ARHGAP18: variants seen among roughly 807,000 people sequenced by gnomAD.
The protein encoded by ARHGAP18 is rho GTPase-activating protein 18.
A neutral mutation model predicts 86.2 loss-of-function variants in ARHGAP18; 67 were observed. That is an observed-to-expected ratio of 0.78 (90% CI 0.64 to 0.95). The LOEUF (loss-of-function observed/expected upper bound fraction) is 0.95, where lower values mean the gene tolerates loss of function less well. Ranked by LOEUF, ARHGAP18 falls within the 40% of genes least tolerant of loss-of-function variation. The probability of loss-of-function intolerance (pLI) is 0.00; values close to 1 mark genes in which losing one functional copy is unlikely to be tolerated. For missense variants in ARHGAP18, 691 were observed against 780.4 expected (o/e 0.89, Z 1.37); for synonymous variants, 283 against 280.4 (o/e 1.01, Z -0.09).
intron 1 of ARHGAP18, among the ~76,000 whole-genome samples, chr6:129,685,706 G>A (rs1469751955): frequency 1.3e-5 from 2 of 151,904 alleles, no homozygotes; most frequent in Admixed American, 1.3e-4. Context: ...GCTGATCACG[G>A]TGATCACTTG....
intron 1 of ARHGAP18, among the ~76,000 whole-genome samples, chr6:129,661,397 G>T (rs1432071600): frequency 6.7e-6 from 1 of 148,800 alleles, no homozygotes. Context: ...ATGGGATGAT[G>T]AATATAAAAA....
chr6:129,659,457 T>TTTTAA (rs1773906046), intron 1 of ARHGAP18, among the ~76,000 whole-genome samples: 2 of 55,646 alleles, frequency 3.6e-5, no homozygotes, highest in African/African-American at 1.6e-4. Flanking sequence ...CTAGAATTTT[T>TTTTAA]TTTATTTTAT....
chr6:129,586,927 C>T (rs1412939282), intron 12 of ARHGAP18, among the ~76,000 whole-genome samples: 1 of 152,138 alleles, frequency 6.6e-6, no homozygotes, highest in Non-Finnish European at 1.5e-5. Flanking sequence ...CTCCATGGAA[C>T]CTTCCATGCT....
intron 1 of ARHGAP18, among the ~76,000 whole-genome samples, chr6:129,706,174 A>C (rs1445080237): frequency 2.6e-5 from 4 of 152,256 alleles, no homozygotes; most frequent in African/African-American, 7.2e-5. Context: ...TAAAATGGGA[A>C]GGTAAGAGAG....
intron 1 of ARHGAP18, among the ~76,000 whole-genome samples, chr6:129,660,841 G>C (rs151251335): frequency 2.6e-5 from 4 of 152,182 alleles, no homozygotes; most frequent in Admixed American, 2.6e-4. Flanking sequence ...GAGTGAAAGA[G>C]CTCAACGAAA....
chr6:129,578,622 G>A lies in ARHGAP18; in HGVS notation c.1901-18C>T. On this transcript the variant is annotated intron_variant, in intron 14 of 14. Coordinates refer to ENST00000368149, the MANE Select transcript of ARHGAP18 (RefSeq NM_033515.3). ...GCGTTCCCCTGTTAAAATAGATGTT[G>A]TGTCAGTTTAATACAGCAGGTAGAT... 6.3e-7 allele frequency: 1 copy of A among 1,592,764 alleles called. No homozygotes were observed.
chr6:129,681,367 C>T (rs1004882157), intron 1 of ARHGAP18, among the ~76,000 whole-genome samples: 10 of 152,204 alleles, frequency 6.6e-5, no homozygotes, highest in South Asian at 4.1e-4. Flanking sequence ...TGAGCCACCG[C>T]GCCCAGCTAG....
rs4349831 is a variant in ARHGAP18, at chr6:129,588,087, A to C, written c.1714-3975T>G. ...AAAACAAGGGGGCTACAGGCCCCACACAAGTCCGAAATCCAACAGGGAAGT... is the reference window on the plus strand; with the variant it reads ...AAAACAAGGGGGCTACAGGCCCCACCCAAGTCCGAAATCCAACAGGGAAGT... On this transcript the variant is annotated intron_variant, in intron 12 of 14. Transcript: ENST00000368149. Among the ~76,000 whole-genome samples, 190 of 151,462 alleles carry C rather than the reference A, an allele frequency of 1.3e-3. 1 individual carries two copies. The highest frequency in any genetic ancestry group is 4.1e-3 in the African/African-American group (167 of 41,208).
chr6:129,611,666 G>A (rs1010863125), intron 7 of ARHGAP18, 56 bp from the exon 8 acceptor site: 44 of 1,419,736 alleles, frequency 3.1e-5, no homozygotes, highest in Middle Eastern at 1.7e-4. Flanking sequence ...GTACAATTCC[G>A]AATTTAACAT....
At chr6:129,649,916 T>C (rs1022803955) in intron 1 of ARHGAP18, among the ~76,000 whole-genome samples, 1 of 148,124 alleles carries the variant, frequency 6.8e-6, no homozygotes, top group Non-Finnish European at 1.5e-5. Flanking sequence ...TTTTTTTTGT[T>C]TTTTTTTTTT....
intron 12 of ARHGAP18, among the ~76,000 whole-genome samples, chr6:129,597,782 A>G (rs4895853): frequency 0.13 from 19,932 of 152,124 alleles, 1,393 homozygotes; most frequent in Admixed American, 0.18. Flanking sequence ...GATGAAACTG[A>G]TATTTAAATC....
intron 5 of ARHGAP18, among the ~76,000 whole-genome samples, chr6:129,619,161 T>G (rs1299211918): frequency 7.9e-6 from 1 of 125,934 alleles, no homozygotes; most frequent in African/African-American, 3.2e-5. Context: ...TCTAGTTAAG[T>G]GACCTTCAGA....
At chr6:129,593,970 A>T (rs761154833) in intron 12 of ARHGAP18, among the ~76,000 whole-genome samples, 1 of 152,142 alleles carries the variant, frequency 6.6e-6, no homozygotes. Flanking sequence ...GGTTAGTTTT[A>T]ATAGCATACA....
chr6:129,627,428 T>C (rs987699730), intron 5 of ARHGAP18, among the ~76,000 whole-genome samples: 5 of 151,914 alleles, frequency 3.3e-5, no homozygotes, highest in African/African-American at 1.2e-4. Context: ...ACAGAAAACA[T>C]ACAATCACAT....
chr6:129,664,183 C>G (rs940705184), intron 1 of ARHGAP18, among the ~76,000 whole-genome samples: 1 of 152,174 alleles, frequency 6.6e-6, no homozygotes, highest in African/African-American at 2.4e-5. Context: ...AACCCATCAC[C>G]AATGATTGGC....
At chr6:129,682,889 A>G (rs1038709753) in intron 1 of ARHGAP18, among the ~76,000 whole-genome samples, 2 of 152,168 alleles carry the variant, frequency 1.3e-5, no homozygotes, top group African/African-American at 2.4e-5. Context: ...TAAACCATAT[A>G]ATACATTTTA....
At chr6:129,609,005 G>GA (rs75073976) in intron 8 of ARHGAP18, among the ~76,000 whole-genome samples, 61 of 141,812 alleles carry the variant, frequency 4.3e-4, no homozygotes, top group South Asian at 3.2e-3. Context: ...GGAGGAAGAG[G>GA]AAAAAAAAAA....
chr6:129,607,798 G>T, intron 9 of ARHGAP18, 95 bp downstream of exon 9: 3 of 1,333,996 alleles, frequency 2.2e-6, no homozygotes, highest in Non-Finnish European at 3.0e-6. Context: ...ACCCAAATAC[G>T]TCTGGTTGCG....
At chr6:129,633,967 G>A (rs1163602714) in intron 4 of ARHGAP18, 75 bp downstream of exon 4, 2 of 1,295,872 alleles carry the variant, frequency 1.5e-6, no homozygotes, top group Admixed American at 2.3e-5. Context: ...TGAAGGTAAT[G>A]TTTTATAAGA....
Sources: gnomAD v4.1 joint callset for allele counts (sites outside exome capture counted in the v4.1 genomes callset) on GRCh38, gnomAD v4.1.1 for gene constraint, MANE v1.5 for transcripts, NCBI Gene and HGNC (gene_info 2026-07-23, HGNC 2026-07-21) for gene names.